Variants in FADS2 observed in about 807,000 individuals in gnomAD.
FADS2 encodes acyl-CoA 6-desaturase.
In FADS2, 18 loss-of-function variants were observed where a neutral mutation model predicts 61.2. The ratio of observed to expected loss-of-function variants is 0.29; its 90% CI spans 0.20 to 0.44. The LOEUF (loss-of-function observed/expected upper bound fraction) is 0.44. Among genes scored for constraint, FADS2 ranks in the 20% least tolerant of loss-of-function variants. The pLI is 1.00. For synonymous variants in FADS2, 203 were observed against 223.9 expected (o/e 0.91, Z 0.83); for missense variants, 322 against 572.7 (o/e 0.56, Z 4.47).
chr11:61,833,474 T>C (rs959170765), intron 1 of FADS2, among the ~76,000 whole-genome samples: 4 of 152,198 alleles, frequency 2.6e-5, no homozygotes, highest in Non-Finnish European at 4.4e-5. Flanking sequence ...AGGACACTCA[T>C]GTTGAGGGAA....
upstream of FADS2, chr11:61,828,066 C>A: frequency 8.2e-7 from 1 of 1,219,916 alleles, no homozygotes; most frequent in Non-Finnish European, 1.0e-6. This position sits in a 1 kb window ranked among gnomAD's most constrained non-coding sequence, Gnocchi z 6.4. Flanking sequence ...GAGGGGCGGG[C>A]AGAGGAGGTG....
chr11:61,820,857 A>AATC, intron 1 of FADS2, among the ~76,000 whole-genome samples: 1 of 152,156 alleles, frequency 6.6e-6, no homozygotes, highest in South Asian at 2.1e-4. Context: ...CCGAGATTGC[A>AATC]CCACTGCACT....
chr11:61,854,827 C>T (rs1293547040), intron 5 of FADS2: 1 of 152,274 alleles, frequency 6.6e-6, no homozygotes, highest in Non-Finnish European at 1.5e-5. Context: ...GGTATGTCAC[C>T]ATACGCATGT....
At chr11:61,831,319 G>C (rs1017838030) in intron 1 of FADS2, among the ~76,000 whole-genome samples, 1 of 152,122 alleles carries the variant, frequency 6.6e-6, no homozygotes, top group African/African-American at 2.4e-5. Context: ...GCACAGTCTG[G>C]GGAGGGACTG....
intron 1 of FADS2, chr11:61,821,599 T>C: frequency 1.8e-6 from 1 of 571,168 alleles, no homozygotes; most frequent in Non-Finnish European, 3.1e-6. Flanking sequence ...TGCTGCAGCC[T>C]CCCCTCAGTA....
intron 5 of FADS2, among the ~76,000 whole-genome samples, chr11:61,852,321 C>T (rs563354088): frequency 1.4e-4 from 22 of 152,290 alleles, no homozygotes; most frequent in Admixed American, 4.6e-4. Flanking sequence ...AGCGTAGTGG[C>T]GCAATCTCGG....
At chr11:61,828,158 G>T (rs1489922356), upstream of FADS2, 10 of 1,401,940 alleles carry the variant, frequency 7.1e-6, no homozygotes, top group Non-Finnish European at 9.2e-6. This position sits in a 1 kb window ranked among gnomAD's most constrained non-coding sequence, Gnocchi z 6.4. Flanking sequence ...GGAGGAAGGG[G>T]ACCGCTTGGG....
rs1269784273 is a variant in FADS2 at position 61,840,414 on chromosome 11, C to T, written c.399C>T (p.Phe133=). Residue 133 remains phenylalanine, a synonymous_variant, in exon 3 of 12, where the codon TTC becomes TTT. Coordinates refer to ENST00000278840, the MANE Select transcript of FADS2 (RefSeq NM_004265.4). ...TGTTCAAGACCAACCACGTGTTCTT[C>T]CTCCTCCTCCTGGCCCACATCATCG... is the stretch of plus-strand genomic sequence containing the variant. ...MNLFKTNHVF[F]LLLLAHIIAL... The T allele has an allele frequency of 6.2e-7, 1 of 1,612,754 alleles. No homozygotes were observed. The highest frequency in any genetic ancestry group is 8.5e-7 in the Non-Finnish European group (1 of 1,178,824).
At position 61,864,538 on chromosome 11, in the gene FADS2, C is replaced by T. The variant is rs1425093040; in HGVS notation, c.1158-614C>T. Among the ~76,000 whole-genome samples the T allele has an allele frequency of 5.3e-5, 8 of 152,204 alleles. No individual in the cohort carries two copies. In the East Asian group the frequency reaches 7.7e-4, roughly 15 times the overall value. On this transcript the variant is annotated intron_variant, in intron 10 of 11. Transcript: ENST00000278840. ...CCTCCCACGTAGCTGGGATTACAGG[C>T]GTGTGCCACCACGCCCAGCTAATTT...
chr11:61,828,484 C>A lies in FADS2; in HGVS notation c.94C>A (p.Arg32Ser). ...GGAGGAGATTCAGAAGCATAACCTGCGCACCGACAGGTGGCTGGTCATTGA... is the reference window on the plus strand; with the variant it reads ...GGAGGAGATTCAGAAGCATAACCTGAGCACCGACAGGTGGCTGGTCATTGA... The part of the protein sequence containing the change: ...SWEEIQKHNL[R>S]TDRWLVIDRK... Residue 32 changes from arginine (R) to serine (S), a missense_variant, in exon 1 of 12, where the codon CGC (arginine) becomes AGC (serine). Transcript: ENST00000278840. This position sits in a 1 kb window ranked among gnomAD's most constrained non-coding sequence, Gnocchi z 6.4. The A allele has an allele frequency of 6.2e-7, 1 of 1,612,210 alleles. No homozygotes were observed. The highest frequency in any genetic ancestry group is 8.5e-7 in the Non-Finnish European group (1 of 1,179,548).
intron 4 of FADS2, among the ~76,000 whole-genome samples, chr11:61,842,941 G>A (rs192425598): frequency 5.3e-4 from 80 of 152,356 alleles, no homozygotes; most frequent in Admixed American, 4.2e-3. Flanking sequence ...GTTACCAGGT[G>A]CTGTGAGAGG....
intron 6 of FADS2, 41 bp from the exon 7 acceptor site, chr11:61,857,413 G>C (rs526126): frequency 0.8 from 1,261,456 of 1,576,556 alleles, 515,138 homozygotes; most frequent in South Asian, 0.89. Flanking sequence ...GCACAGGCAG[G>C]GTGGAATGGA....
chr11:61,864,919 C>T (rs2067453206), intron 10 of FADS2, among the ~76,000 whole-genome samples: 1 of 152,158 alleles, frequency 6.6e-6, no homozygotes, highest in Admixed American at 6.5e-5. Flanking sequence ...CACCCAATAT[C>T]TTCCCAGCTC....
rs1161798382 is a variant in FADS2, at chr11:61,840,495, T to C, written c.480T>C (p.Pro160=). 1 of 1,614,124 alleles carries C rather than the reference T, an allele frequency of 6.2e-7. No homozygotes were observed. Among genetic ancestry groups the C allele is most frequent in the Admixed American group, 1.7e-5 (1 of 60,008 alleles). Residue 160 remains proline (P), a synonymous_variant, in exon 3 of 12, where the codon CCT becomes CCC. Transcript: ENST00000278840. ...TVFYFGNGWI[P]TLITAFVLAT... is the part of the protein sequence containing the mutation. ...TTTACTTTGGCAATGGCTGGATTCC[T>C]ACCCTCATCACGGCCTTTGTCCTTG...
Position 61,840,606 on chromosome 11 carries a change from G to A in FADS2, c.517-18G>A, listed in dbSNP as rs907180401. 1 of 1,613,494 alleles carries A rather than the reference G, an allele frequency of 6.2e-7. No homozygotes were observed. Among genetic ancestry groups the A allele is most frequent in the Non-Finnish European group, 8.5e-7 (1 of 1,179,496 alleles). ...GTTTGCTGAGGCTGTGACAGCACGT[G>A]TGACCCTCTCTCCCCAGGCCCAAGC... On this transcript the variant is annotated intron_variant, in intron 3 of 11. Transcript: ENST00000278840.
chr11:61,840,954 C>G (rs916070983), intron 4 of FADS2, among the ~76,000 whole-genome samples: 5 of 152,158 alleles, frequency 3.3e-5, no homozygotes, highest in East Asian at 1.9e-4. Flanking sequence ...AGGCACACAC[C>G]TTTCTTGTCT....
chr11:61,856,888 A>G, intron 5 of FADS2, 123 bp from the exon 6 acceptor site: 1 of 819,112 alleles, frequency 1.2e-6, no homozygotes, highest in Non-Finnish European at 2.1e-6. Flanking sequence ...GCAGATTGAC[A>G]GGAAAGGGAC....
intron 1 of FADS2, among the ~76,000 whole-genome samples, chr11:61,822,172 T>C (rs1012405024): frequency 1.3e-5 from 2 of 152,208 alleles, no homozygotes; most frequent in African/African-American, 4.8e-5. Context: ...AGTTTCACCA[T>C]GTTAGCCAGG....
chr11:61,847,005 A>G (rs2067265901), intron 4 of FADS2: 1 of 150,758 alleles, frequency 6.6e-6, no homozygotes, highest in African/African-American at 2.4e-5. Context: ...GCTGGAGTGC[A>G]GTGGTGTGAT....
Sources: gnomAD v4.1 joint callset for allele counts (sites outside exome capture counted in the v4.1 genomes callset) on GRCh38, gnomAD v4.1.1 for gene constraint, Gnocchi (gnomAD v3.1) non-coding constraint, MANE v1.5 for transcripts, NCBI Gene and HGNC (gene_info 2026-07-23, HGNC 2026-07-21) for gene names.